The following CSMD1 variants were observed in gnomAD, a reference collection of about 807,000 sequenced individuals.
The protein encoded by CSMD1 is CUB and Sushi multiple domains 1, also known as CUB and sushi domain-containing protein 1.
In CSMD1, 213 loss-of-function variants were observed where a neutral mutation model predicts 417.5. That is an observed-to-expected ratio of 0.51 (90% confidence interval 0.46 to 0.57). CSMD1 has a LOEUF of 0.57. Among genes scored for constraint, CSMD1 ranks in the 20% least tolerant of loss-of-function variants. The pLI is 0.00. For missense variants in CSMD1, 6,923 were observed against 4,529.7 expected (o/e 1.53, Z -15.17); for synonymous variants, 2,862 against 1,736.8 (o/e 1.65, Z -16.11).
intron 3 of CSMD1, among the ~76,000 whole-genome samples, chr8:4,084,027 G>A (rs2130823380): frequency 6.6e-6 from 1 of 151,840 alleles, no homozygotes; most frequent in Admixed American, 6.6e-5. Context: ...TCAAGAAGTG[G>A]GCAAAAAAAC....
intron 1 of CSMD1, among the ~76,000 whole-genome samples, chr8:4,952,664 A>G (rs950016643): frequency 1.3e-5 from 2 of 152,128 alleles, no homozygotes; most frequent in Admixed American, 6.6e-5. Context: ...TATGGATTTA[A>G]AAATCTATCA....
intron 32 of CSMD1, among the ~76,000 whole-genome samples, chr8:3,201,256 G>A (rs185240136): frequency 3.3e-5 from 5 of 152,130 alleles, no homozygotes; most frequent in East Asian, 1.9e-4. Flanking sequence ...GCTTTAGACC[G>A]AAATGTTAAT....
intron 11 of CSMD1, among the ~76,000 whole-genome samples, chr8:3,478,001 TA>T (rs1179629075): frequency 6.6e-6 from 1 of 152,194 alleles, no homozygotes; most frequent in Non-Finnish European, 1.5e-5. Context: ...AATACAATGT[TA>T]AAACTGAAGA....
intron 3 of CSMD1, among the ~76,000 whole-genome samples, chr8:4,138,331 T>A (rs148178680): frequency 2.1e-5 from 2 of 96,558 alleles, no homozygotes; most frequent in African/African-American, 5.6e-5. Context: ...ATTTACACAT[T>A]TGAGTTGTGG....
At chr8:4,305,023 T>C (rs975274128) in intron 3 of CSMD1, among the ~76,000 whole-genome samples, 1 of 152,162 alleles carries the variant, frequency 6.6e-6, no homozygotes, top group Non-Finnish European at 1.5e-5. Flanking sequence ...AAACACACAG[T>C]TCCCCACGTT....
chr8:4,188,078 A>G (rs1466982846), intron 3 of CSMD1, among the ~76,000 whole-genome samples: 3 of 152,208 alleles, frequency 2.0e-5, no homozygotes, highest in Admixed American at 2.0e-4. Flanking sequence ...ACAAATAGAA[A>G]AGTGACTGCT....
chr8:3,568,814 C>G (rs12548212), intron 10 of CSMD1, among the ~76,000 whole-genome samples: 36,051 of 151,792 alleles, frequency 0.24, 4,595 homozygotes, highest in Non-Finnish European at 0.29. Flanking sequence ...TATATTTAAT[C>G]TTTCCAATGA....
intron 16 of CSMD1, among the ~76,000 whole-genome samples, chr8:3,398,488 C>T (rs569795488): frequency 2.6e-5 from 4 of 152,168 alleles, no homozygotes; most frequent in East Asian, 1.9e-4. Flanking sequence ...GCTGAAAAAC[C>T]TTTCCTGTGT....
intron 5 of CSMD1, among the ~76,000 whole-genome samples, chr8:3,930,350 A>G (rs1584984829): frequency 6.6e-6 from 1 of 150,664 alleles, no homozygotes; most frequent in African/African-American, 2.4e-5. Flanking sequence ...CATAATAAAG[A>G]AATCAATGTA....
At chr8:3,791,131 G>A (rs1799715724) in intron 5 of CSMD1, among the ~76,000 whole-genome samples, 1 of 152,164 alleles carries the variant, frequency 6.6e-6, no homozygotes, top group African/African-American at 2.4e-5. Context: ...AAGCTGGAGT[G>A]CATGACAAAC....
At chr8:4,921,867 G>C (rs1214799929) in intron 1 of CSMD1, among the ~76,000 whole-genome samples, 1 of 152,138 alleles carries the variant, frequency 6.6e-6, no homozygotes, top group Non-Finnish European at 1.5e-5. Flanking sequence ...GAAAACCCAA[G>C]AGTGACTGTA....
At chr8:4,388,718 G>A (rs1246050891) in intron 3 of CSMD1, among the ~76,000 whole-genome samples, 1 of 152,060 alleles carries the variant, frequency 6.6e-6, no homozygotes, top group African/African-American at 2.4e-5. Flanking sequence ...AAAATAAAAT[G>A]TACTTGTTTA....
intron 2 of CSMD1, among the ~76,000 whole-genome samples, chr8:4,567,675 G>C (rs1023854041): frequency 3.3e-5 from 5 of 152,234 alleles, no homozygotes; most frequent in Admixed American, 2.6e-4. Flanking sequence ...CTTCTGCCCA[G>C]ATGCTGATTT....
chr8:3,201,659 G>C lies in CSMD1; in HGVS notation c.5051C>G (p.Thr1684Ser), dbSNP rs746671830. ...GCTGAGAAGTCTGGCCTGTGCATGG[G>C]TTCCATCAAATAATTCTGCCAAATC... Reference protein sequence around the residue: ...LNDLAELFDGTHAQARLLSSL... With the variant: ...LNDLAELFDGSHAQARLLSSL... Residue 1684 changes from threonine to serine, a missense_variant, in exon 32 of 70, where the codon ACC becomes AGC. Thr to Ser is a moderately conservative substitution (Grantham distance 58, BLOSUM62 1). Coordinates refer to ENST00000635120, the MANE Select transcript of CSMD1 (RefSeq NM_033225.6). 2.5e-6 allele frequency: 4 copies of C among 1,606,812 alleles called. No homozygotes were observed. Among genetic ancestry groups the C allele is most frequent in the Non-Finnish European group, 3.4e-6 (4 of 1,176,618 alleles).
At chr8:3,775,174 T>C (rs1022234238) in intron 5 of CSMD1, among the ~76,000 whole-genome samples, 13 of 152,230 alleles carry the variant, frequency 8.5e-5, no homozygotes, top group African/African-American at 3.1e-4. Flanking sequence ...TCTTTATTTA[T>C]ACCAAACTTA....
At chr8:4,342,319 A>G (rs1203490793) in intron 3 of CSMD1, among the ~76,000 whole-genome samples, 1 of 152,108 alleles carries the variant, frequency 6.6e-6, no homozygotes, top group Non-Finnish European at 1.5e-5. Flanking sequence ...CAATGTATGT[A>G]AAACATAGGT....
chr8:4,272,049 G>C (rs932906392), intron 3 of CSMD1, among the ~76,000 whole-genome samples: 2 of 152,054 alleles, frequency 1.3e-5, no homozygotes, highest in African/African-American at 2.4e-5. Flanking sequence ...TTGCATGTAA[G>C]TAGACCTGTG....
chr8:3,607,391 G>C (rs1039422541), intron 8 of CSMD1, among the ~76,000 whole-genome samples: 1 of 152,204 alleles, frequency 6.6e-6, no homozygotes, highest in Non-Finnish European at 1.5e-5. Context: ...TTTATAAGCA[G>C]ACGGAGTATA....
chr8:4,730,683 G>C (rs1277446906), intron 1 of CSMD1, among the ~76,000 whole-genome samples: 1 of 152,104 alleles, frequency 6.6e-6, no homozygotes, highest in African/African-American at 2.4e-5. Flanking sequence ...GGAGCTTGCA[G>C]TGAGGAGAGA....
Sources: gnomAD v4.1 joint callset for allele counts (sites outside exome capture counted in the v4.1 genomes callset) on GRCh38, gnomAD v4.1.1 for gene constraint, MANE v1.5 for transcripts, NCBI Gene and HGNC (gene_info 2026-07-23, HGNC 2026-07-21) for gene names.